PHF6: variants seen among roughly 807,000 people sequenced by gnomAD.
PHF6 encodes the protein PHD-like zinc finger protein.
In PHF6, 7 loss-of-function variants were observed where a neutral mutation model predicts 34.0. That is an observed-to-expected ratio of 0.21 (90% CI 0.12 to 0.39). PHF6 has a LOEUF of 0.39. PHF6 is among the 10% of genes least tolerant of loss of function. PHF6 has a pLI of 1.00. For synonymous variants in PHF6, 89 were observed against 88.4 expected, an observed-to-expected ratio of 1.01 and a Z score of -0.04; for missense variants, 128 against 262.8, an observed-to-expected ratio of 0.49 and a Z score of 3.55.
chrX:134,401,603 A>G (rs950225779), intron 5 of PHF6, among the ~76,000 whole-genome samples: 8 of 112,053 alleles, frequency 7.1e-5, no homozygotes, highest in Non-Finnish European at 1.3e-4. Context: ...TATTTTTAGA[A>G]TCTGGGTGAA....
At chrX:134,398,031 G>A (rs898452571) in intron 5 of PHF6, among the ~76,000 whole-genome samples, 4 of 112,051 alleles carry the variant, frequency 3.6e-5, no homozygotes, top group Non-Finnish European at 7.5e-5. Flanking sequence ...GAAGGAACAG[G>A]ATCTTTGAAG....
intron 5 of PHF6, among the ~76,000 whole-genome samples, chrX:134,406,883 C>G (rs2077427470): frequency 8.9e-6 from 1 of 112,188 alleles, no homozygotes; most frequent in Admixed American, 9.5e-5. Context: ...GCCCTTGTAT[C>G]TGTTTCTGAA....
chrX:134,377,927 A>G, intron 2 of PHF6, 78 bp from the exon 3 acceptor site: 2 of 935,598 alleles, frequency 2.1e-6, no homozygotes, highest in Non-Finnish European at 3.0e-6. Context: ...ATTACCATTT[A>G]AATTTGACAT....
intron 5 of PHF6, among the ~76,000 whole-genome samples, chrX:134,410,621 G>GTTTATTTTATTTTAT (rs71920546): frequency 1.8e-3 from 180 of 97,605 alleles, no homozygotes; most frequent in African/African-American, 6.5e-3. Context: ...TATTTTTCCA[G>GTTTATTTTATTTTAT]TTTATTTTAT....
chrX:134,406,054 C>CTT (rs2077421800), intron 5 of PHF6, among the ~76,000 whole-genome samples: 1 of 94,013 alleles, frequency 1.1e-5, no homozygotes. Flanking sequence ...AATGCCTGTC[C>CTT]TTTTTCTTTT....
chrX:134,424,331 T>G (rs1038048560), intron 9 of PHF6, among the ~76,000 whole-genome samples: 3 of 111,870 alleles, frequency 2.7e-5, no homozygotes, highest in Admixed American at 1.9e-4. Context: ...TGGAGATAGC[T>G]GGTCATCACC....
intron 5 of PHF6, among the ~76,000 whole-genome samples, chrX:134,404,836 A>T (rs376417951): frequency 1.8e-5 from 2 of 112,234 alleles, no homozygotes; most frequent in African/African-American, 6.5e-5. Flanking sequence ...TTTTTTAGCA[A>T]TAAAGTATTT....
chrX:134,380,238 C>G lies in PHF6; in HGVS notation c.240+2132C>G, dbSNP rs181844031. On this transcript the variant is annotated intron_variant, in intron 3 of 10. Transcript: ENST00000370803. The stretch of plus-strand genomic sequence containing the variant: ...CTCGGCTCACTGCAAGCTCCACCTC[C>G]CAGGTTCACACCATTCTCCTGCCTC... Among the ~76,000 whole-genome samples, 773 of 107,405 alleles carry G rather than the reference C, an allele frequency of 7.2e-3. 4 individuals carry two copies. Among genetic ancestry groups the G allele is most frequent in the Middle Eastern group, 0.014 (3 of 215 alleles). 93.3% of individuals were successfully genotyped at this position (107,405 alleles called of 115,157 possible). A position where few individuals can be genotyped will look rare whatever the true frequency, so the allele number is the denominator to read the frequency against.
intron 9 of PHF6, among the ~76,000 whole-genome samples, chrX:134,421,984 A>G (rs2077493588): frequency 9.1e-6 from 1 of 110,487 alleles, no homozygotes; most frequent in African/African-American, 3.3e-5. Flanking sequence ...GCTGGAGTGC[A>G]ATGGTGCGAT....
chrX:134,424,998 A>G (rs1602722437), intron 9 of PHF6, among the ~76,000 whole-genome samples: 1 of 111,932 alleles, frequency 8.9e-6, no homozygotes, highest in East Asian at 2.8e-4. Flanking sequence ...TTTGTTTCAG[A>G]TGAACTTTTA....
chrX:134,416,060 A>G (rs2077471505), intron 8 of PHF6, among the ~76,000 whole-genome samples: 1 of 110,081 alleles, frequency 9.1e-6, no homozygotes, highest in African/African-American at 3.3e-5. Context: ...CCCGGGTTCA[A>G]GTGATTCCCG....
At chrX:134,396,153 G>GGCA (rs2077376311) in intron 5 of PHF6, among the ~76,000 whole-genome samples, 1 of 111,558 alleles carries the variant, frequency 9.0e-6, no homozygotes, top group African/African-American at 3.3e-5. Context: ...TGTGAAATAA[G>GGCA]TACATCATGG....
intron 9 of PHF6, chrX:134,419,994 C>T (rs1392831439): frequency 9.0e-6 from 1 of 110,963 alleles, no homozygotes; most frequent in Non-Finnish European, 1.9e-5. Context: ...ACCTGGGCAA[C>T]ATAGTGAGAC....
At chrX:134,405,447 C>T (rs1378014673) in intron 5 of PHF6, among the ~76,000 whole-genome samples, 1 of 111,720 alleles carries the variant, frequency 9.0e-6, no homozygotes, top group African/African-American at 3.3e-5. Flanking sequence ...GATCTACCCA[C>T]CTCAGCCTCT....
intron 5 of PHF6, among the ~76,000 whole-genome samples, chrX:134,397,731 G>A (rs1419382897): frequency 8.9e-6 from 1 of 111,821 alleles, no homozygotes. Flanking sequence ...GAGTCCTTCC[G>A]GAATTATATA....
intron 3 of PHF6, among the ~76,000 whole-genome samples, chrX:134,386,960 G>A (rs2077334705): frequency 1.8e-5 from 2 of 111,881 alleles, no homozygotes; most frequent in Non-Finnish European, 3.8e-5. Flanking sequence ...CCCACAGGAT[G>A]CCTTCTGTAG....
intron 9 of PHF6, among the ~76,000 whole-genome samples, chrX:134,423,847 G>A (rs1037591928): frequency 4.5e-5 from 5 of 110,308 alleles, no homozygotes; most frequent in African/African-American, 1.6e-4. Context: ...TTCCATTGTC[G>A]TCTTATGTAT....
chrX:134,427,711 A>G lies in PHF6; in HGVS notation c.*2051A>G, dbSNP rs1181120466. ...AAGTGGCTGACTACCTGTTTTTCTC[A>G]CTGTGGTGTGATTGGCTAAACAATC... On this transcript the variant is annotated 3_prime_UTR_variant, in exon 11 of 11. Coordinates refer to ENST00000370803, the MANE Select transcript of PHF6 (RefSeq NM_001015877.2). 1.2e-5 allele frequency: 2 copies of G among 160,693 alleles called. No homozygotes were observed. Among genetic ancestry groups the G allele is most frequent in the Non-Finnish European group, 2.4e-5 (2 of 82,965 alleles). 13.2% of individuals were successfully genotyped at this position (160,693 alleles called of 1,213,427 possible).
chrX:134,374,751 C>T (rs2077271388), intron 1 of PHF6, among the ~76,000 whole-genome samples: 1 of 112,525 alleles, frequency 8.9e-6, no homozygotes, highest in Non-Finnish European at 1.9e-5. Context: ...TTGATTGCTT[C>T]AGCTTAACTA....
Sources: allele counts gnomAD v4.1 joint callset (sites outside exome capture counted in the v4.1 genomes callset), GRCh38; gene constraint gnomAD v4.1.1; transcripts MANE v1.5; gene names NCBI Gene and HGNC (gene_info 2026-07-23, HGNC 2026-07-21).